SMG7: variants seen among roughly 807,000 people sequenced by gnomAD.
SMG7 encodes the protein nonsense-mediated mRNA decay factor SMG7.
A neutral mutation model predicts 148.2 loss-of-function variants in SMG7; 34 were observed. The ratio of observed to expected loss-of-function variants is 0.23; its 90% CI spans 0.17 to 0.31. The LOEUF (loss-of-function observed/expected upper bound fraction) is 0.31. Among genes scored for constraint, SMG7 ranks in the 10% least tolerant of loss-of-function variants. The pLI is 1.00. For missense variants in SMG7, 1,114 were observed against 1,408.4 expected (o/e 0.79, Z 3.35); for synonymous variants, 492 against 515.1 (o/e 0.96, Z 0.61).
chr1:183,541,994 A>T, intron 13 of SMG7, 82 bp from the exon 14 acceptor site: 1 of 1,156,200 alleles, frequency 8.6e-7, no homozygotes, highest in Non-Finnish European at 1.2e-6. Flanking sequence ...CTAGGAATAT[A>T]TTGACTTGGA....
At chr1:183,497,015 G>T (rs764405928) in intron 1 of SMG7, among the ~76,000 whole-genome samples, 1 of 152,080 alleles carries the variant, frequency 6.6e-6, no homozygotes, top group Non-Finnish European at 1.5e-5. Flanking sequence ...ATGTCATCCC[G>T]TCTTATGGGC....
chr1:183,550,679 C>A, intron 20 of SMG7, 72 bp from the exon 21 acceptor site: 1 of 1,466,354 alleles, frequency 6.8e-7, no homozygotes, highest in Non-Finnish European at 9.5e-7. Context: ...ATCAGATCTA[C>A]AGGAACCTGT....
chr1:183,537,944 A>G lies in SMG7; in HGVS notation c.1235-436A>G, dbSNP rs139978446. Among the ~76,000 whole-genome samples, 579 of 152,254 alleles carry G rather than the reference A, an allele frequency of 3.8e-3. 1 individual carries two copies. The highest frequency in any genetic ancestry group is 0.013 in the African/African-American group (557 of 41,536). On this transcript the variant is annotated intron_variant, in intron 11 of 22. Coordinates refer to ENST00000688051, the MANE Select transcript of SMG7 (RefSeq NM_001375584.1). ...CTCCTCAGGCATTAATTTGCACATA[A>G]ATCACCTGAATCTTTTTAAAATACA...
chr1:183,503,631 G>A (rs1378628330), intron 1 of SMG7, among the ~76,000 whole-genome samples: 1 of 152,148 alleles, frequency 6.6e-6, no homozygotes, highest in African/African-American at 2.4e-5. Flanking sequence ...ATCTCATGAA[G>A]CAGTGAGGGG....
At chr1:183,478,612 G>A (rs772948424) in intron 1 of SMG7, among the ~76,000 whole-genome samples, 6 of 152,154 alleles carry the variant, frequency 3.9e-5, no homozygotes, top group Non-Finnish European at 7.4e-5. Flanking sequence ...TTTAATGGAT[G>A]TGTTACAGTA....
chr1:183,499,462 T>TTA (rs1008984139), intron 1 of SMG7, among the ~76,000 whole-genome samples: 44 of 152,322 alleles, frequency 2.9e-4, no homozygotes, highest in African/African-American at 9.6e-4. Context: ...TCGTAGATCA[T>TTA]TATTGTTTTA....
chr1:183,503,377 A>G (rs1660171654), intron 1 of SMG7, among the ~76,000 whole-genome samples: 2 of 152,326 alleles, frequency 1.3e-5, no homozygotes, highest in African/African-American at 2.4e-5. Context: ...TTAAAAATGT[A>G]TTTGTTAAAT....
At chr1:183,490,556 A>G (rs1262559402) in intron 1 of SMG7, among the ~76,000 whole-genome samples, 4 of 152,232 alleles carry the variant, frequency 2.6e-5, no homozygotes. Context: ...AAAATTTGGT[A>G]ACATTACATT....
At chr1:183,521,721 C>G (rs942552677) in intron 4 of SMG7, among the ~76,000 whole-genome samples, 2 of 151,854 alleles carry the variant, frequency 1.3e-5, no homozygotes, top group African/African-American at 4.8e-5. Context: ...AAAAATCAAC[C>G]AGGCACGGTG....
At position 183,505,090 on chromosome 1, in the gene SMG7, C is replaced by T. The variant is rs187125289; in HGVS notation, c.30-7747C>T. 1.4e-3 allele frequency among the ~76,000 whole-genome samples: 214 copies of T among 151,694 alleles called. 1 individual carries two copies. Among genetic ancestry groups the T allele is most frequent in the Non-Finnish European group, 2.1e-3 (142 of 67,920 alleles). ...CCTTCTTTCCTTTATTCTAAACACT[C>T]TCAAGTGTCTCCCATTGGGAGAAGA... On this transcript the variant is annotated intron_variant, in intron 1 of 22. Transcript: ENST00000688051.
chr1:183,550,210 T>C, intron 20 of SMG7: 1 of 298,228 alleles, frequency 3.4e-6, no homozygotes, highest in Non-Finnish European at 6.2e-6. Context: ...TTAGTTTTAT[T>C]TGTAGGTGTT....
At chr1:183,481,136 C>T (rs1653998279) in intron 1 of SMG7, among the ~76,000 whole-genome samples, 1 of 152,064 alleles carries the variant, frequency 6.6e-6, no homozygotes, top group Non-Finnish European at 1.5e-5. Context: ...TATTGTTGGC[C>T]TTCCATAAAA....
chr1:183,528,955 T>C lies in SMG7; in HGVS notation c.620T>C (p.Phe207Ser). 1 of 1,613,646 alleles carries C rather than the reference T, an allele frequency of 6.2e-7. No homozygotes were observed. Among genetic ancestry groups the C allele is most frequent in the Non-Finnish European group, 8.5e-7 (1 of 1,179,612 alleles). Reference protein sequence around the residue: ...SSKGDHLTTIFYYCRSIAVKF... With the variant: ...SSKGDHLTTISYYCRSIAVKF... The stretch of plus-strand genomic sequence containing the variant: ...AAAGGAGACCATCTGACCACAATTT[T>C]CTACTACTGCAGAAGCATTGCTGTG... Residue 207 changes from phenylalanine (F) to serine (S), a missense_variant, in exon 7 of 23, where the codon TTC becomes TCC. Physicochemically the swap from Phe to Ser is radical, Grantham distance 155. Transcript: ENST00000688051.
At chr1:183,550,170 A>G in intron 20 of SMG7, 1 of 405,862 alleles carries the variant, frequency 2.5e-6, no homozygotes, top group East Asian at 4.2e-5. Flanking sequence ...GAGAAAATAG[A>G]GGTTCTATCT....
Position 183,528,046 on chromosome 1 carries a change from C to A in SMG7, c.556+19C>A. On this transcript the variant is annotated intron_variant, in intron 6 of 22. Coordinates refer to ENST00000688051, the MANE Select transcript of SMG7 (RefSeq NM_001375584.1). ...TCCAATGGTGAGTGGACCTGTCAAC[C>A]TGAGATTGACCGTGACACTTTGTTC... 6.3e-7 allele frequency: 1 copy of A among 1,586,436 alleles called. No individual in the cohort carries two copies. The highest frequency in any genetic ancestry group is 8.6e-7 in the Non-Finnish European group (1 of 1,157,136).
chr1:183,485,344 T>A (rs1419621633), intron 1 of SMG7, among the ~76,000 whole-genome samples: 1 of 152,200 alleles, frequency 6.6e-6, no homozygotes, highest in Non-Finnish European at 1.5e-5. Flanking sequence ...CTCATCAGTG[T>A]CAACCTTCCT....
chr1:183,533,563 G>A, intron 9 of SMG7, 113 bp from the exon 10 acceptor site: 7 of 976,474 alleles, frequency 7.2e-6, no homozygotes, highest in Non-Finnish European at 1.0e-5. Flanking sequence ...TTAGAAAGAA[G>A]CTGTAAGATA....
chr1:183,509,279 A>G (rs1462815984), intron 1 of SMG7, among the ~76,000 whole-genome samples: 6 of 152,222 alleles, frequency 3.9e-5, no homozygotes, highest in Non-Finnish European at 7.3e-5. Flanking sequence ...GATATAATCT[A>G]TTTCCTTTAT....
intron 20 of SMG7, among the ~76,000 whole-genome samples, chr1:183,550,338 G>A (rs545889397): frequency 1.8e-4 from 28 of 152,194 alleles, no homozygotes; most frequent in Non-Finnish European, 3.7e-4. Context: ...CCAAGTAGCT[G>A]GGACTACAGG....
Sources: allele counts gnomAD v4.1 joint callset (sites outside exome capture counted in the v4.1 genomes callset), GRCh38; gene constraint gnomAD v4.1.1; transcripts MANE v1.5; gene names NCBI Gene and HGNC (gene_info 2026-07-23, HGNC 2026-07-21).